MME: variants seen among roughly 807,000 people sequenced by gnomAD.
The protein encoded by MME is membrane metalloendopeptidase, also known as neprilysin.
Under a neutral mutation model 113.2 loss-of-function variants are expected in MME, and 98 were observed. The observed-to-expected ratio is 0.87, with a 90% CI of 0.74 to 1.02. MME has a LOEUF of 1.02. Ranked by LOEUF, MME falls within the 50% of genes least tolerant of loss-of-function variation. The pLI is 0.00. For missense variants in MME, 836 were observed against 896.0 expected, an observed-to-expected ratio of 0.93 and a Z score of 0.86; for synonymous variants, 292 against 300.6, an observed-to-expected ratio of 0.97 and a Z score of 0.30.
At chr3:155,086,215 G>A (rs948994157) in intron 3 of MME, among the ~76,000 whole-genome samples, 1 of 152,146 alleles carries the variant, frequency 6.6e-6, no homozygotes, top group Non-Finnish European at 1.5e-5. Context: ...GGGTGACTCA[G>A]TAGAACTGAC....
At chr3:155,119,196 T>C (rs1187358061) in intron 8 of MME, among the ~76,000 whole-genome samples, 3 of 152,162 alleles carry the variant, frequency 2.0e-5, no homozygotes, top group Non-Finnish European at 4.4e-5. Context: ...AGAGATACAC[T>C]CTGCAGCATC....
At chr3:155,131,659 G>A (rs947165585) in intron 8 of MME, among the ~76,000 whole-genome samples, 1 of 152,144 alleles carries the variant, frequency 6.6e-6, no homozygotes, top group African/African-American at 2.4e-5. Context: ...ATAACCTGAT[G>A]AAAGCCCCAA....
intron 13 of MME, 30 bp from the exon 14 acceptor site, chr3:155,144,329 A>T: frequency 7.3e-7 from 1 of 1,371,320 alleles, no homozygotes; most frequent in Non-Finnish European, 1.0e-6. Flanking sequence ...TGAATTAATG[A>T]CCTATATTTG....
At chr3:155,074,743 T>C (rs1426051391), upstream of MME, among the ~76,000 whole-genome samples, 3 of 152,182 alleles carry the variant, frequency 2.0e-5, no homozygotes, top group Non-Finnish European at 4.4e-5. Context: ...ATTTATGTGT[T>C]ATTTTAAGGT....
intron 1 of MME, among the ~76,000 whole-genome samples, chr3:155,063,699 T>C (rs1342529476): frequency 7.4e-6 from 1 of 135,796 alleles, no homozygotes; most frequent in East Asian, 2.0e-4. Flanking sequence ...TATATTATAT[T>C]ATATTATATT....
At position 155,107,398 on chromosome 3, in the gene MME, T is replaced by C. The variant is rs773066590; in HGVS notation, c.197-7596T>C. Among the ~76,000 whole-genome samples the C allele has an allele frequency of 6.1e-4, 93 of 151,670 alleles. 1 individual carries two copies. The highest frequency in any genetic ancestry group is 1.2e-3 in the Non-Finnish European group (82 of 67,916). ...AATAGTCAACGGAGGAATTTTGTCA[T>C]GGCACTGGGGGTATATATGTGGTAT... On this transcript the variant is annotated intron_variant, in intron 3 of 22. Coordinates refer to ENST00000360490, the MANE Select transcript of MME (RefSeq NM_007289.4).
intron 7 of MME, 72 bp from the exon 8 acceptor site, chr3:155,118,674 A>C: frequency 1.0e-6 from 1 of 957,254 alleles, no homozygotes; most frequent in Admixed American, 2.0e-5. Context: ...ACATAGATAG[A>C]CATGCTTGTA....
intron 7 of MME, 56 bp from the exon 8 acceptor site, chr3:155,118,690 C>A: frequency 2.5e-6 from 3 of 1,192,696 alleles, no homozygotes; most frequent in Admixed American, 1.9e-5. Context: ...TTGTATTTTT[C>A]AAACTTTTCT....
chr3:155,025,348 G>A (rs1227427630), intron 1 of MME, among the ~76,000 whole-genome samples: 4 of 152,140 alleles, frequency 2.6e-5, no homozygotes, highest in Admixed American at 6.6e-5. Context: ...GGGGAAATTT[G>A]TAGGCAAAAG....
chr3:155,103,071 C>A (rs372475446), intron 3 of MME, among the ~76,000 whole-genome samples: 33 of 152,136 alleles, frequency 2.2e-4, no homozygotes, highest in African/African-American at 7.7e-4. Flanking sequence ...ACTGGTAGCT[C>A]CCCCTTCATT....
intron 8 of MME, among the ~76,000 whole-genome samples, chr3:155,136,257 C>T (rs1440751753): frequency 6.6e-6 from 1 of 152,104 alleles, no homozygotes; most frequent in Non-Finnish European, 1.5e-5. Context: ...TTTGCCTATC[C>T]AGTATGATGT....
At chr3:155,047,649 T>C (rs1277743071) in intron 1 of MME, among the ~76,000 whole-genome samples, 1 of 152,242 alleles carries the variant, frequency 6.6e-6, no homozygotes, top group Non-Finnish European at 1.5e-5. Context: ...TATCTGATAG[T>C]TCCAATATCT....
intron 16 of MME, among the ~76,000 whole-genome samples, chr3:155,155,085 G>A (rs1722219838): frequency 1.3e-5 from 2 of 152,108 alleles, no homozygotes; most frequent in African/African-American, 4.8e-5. Flanking sequence ...GTGTTTTGGG[G>A]TTGTTAGCAA....
chr3:155,158,241 C>T (rs1722452758), intron 16 of MME: 1 of 151,986 alleles, frequency 6.6e-6, no homozygotes, highest in African/African-American at 2.4e-5. Flanking sequence ...TTTGTAATTA[C>T]CTGTAAAACC....
At chr3:155,139,447 C>A (rs1462570891) in intron 9 of MME, among the ~76,000 whole-genome samples, 1 of 152,096 alleles carries the variant, frequency 6.6e-6, no homozygotes, top group Non-Finnish European at 1.5e-5. Context: ...AGGTAAGTGA[C>A]CTAAAGGGGA....
At chr3:155,074,086 G>A (rs1576684291) in intron 1 of MME, among the ~76,000 whole-genome samples, 1 of 150,150 alleles carries the variant, frequency 6.7e-6, no homozygotes, top group Admixed American at 6.6e-5. Flanking sequence ...CACCATCCAG[G>A]CCTTCTAACA....
At chr3:155,094,310 A>G (rs1215047498) in intron 3 of MME, among the ~76,000 whole-genome samples, 1 of 152,134 alleles carries the variant, frequency 6.6e-6, no homozygotes, top group African/African-American at 2.4e-5. Flanking sequence ...TCTGCATTTC[A>G]TTTTCATTAT....
intron 3 of MME, among the ~76,000 whole-genome samples, chr3:155,100,916 A>G (rs1267213003): frequency 6.6e-6 from 1 of 152,128 alleles, no homozygotes; most frequent in Non-Finnish European, 1.5e-5. Context: ...TAGCTTGGAT[A>G]TTTGTCCTCG....
chr3:155,054,209 A>AT (rs1376708543), intron 1 of MME, among the ~76,000 whole-genome samples: 5 of 151,970 alleles, frequency 3.3e-5, no homozygotes, highest in Admixed American at 1.3e-4. Flanking sequence ...CAACTATTGG[A>AT]TTTTTTGGGA....
Sources: allele counts gnomAD v4.1 joint callset (sites outside exome capture counted in the v4.1 genomes callset), GRCh38; gene constraint gnomAD v4.1.1; transcripts MANE v1.5; gene names NCBI Gene and HGNC (gene_info 2026-07-23, HGNC 2026-07-21).